Variants in C8orf34 observed in about 807,000 individuals in gnomAD.
The protein encoded by C8orf34 is uncharacterized protein C8orf34.
Under a neutral mutation model 68.3 loss-of-function variants are expected in C8orf34, and 65 were observed. The observed-to-expected ratio is 0.95, with a 90% confidence interval of 0.78 to 1.17. The LOEUF is 1.17. Ranked by LOEUF, C8orf34 falls within the 50% of genes most tolerant of loss-of-function variation. C8orf34 has a pLI of 0.00. For synonymous variants in C8orf34, 244 were observed against 241.2 expected, an observed-to-expected ratio of 1.01 and a Z score of -0.11; for missense variants, 664 against 655.4, an observed-to-expected ratio of 1.01 and a Z score of -0.14.
chr8:68,663,873 A>G (rs961258012), intron 8 of C8orf34, among the ~76,000 whole-genome samples: 1 of 152,202 alleles, frequency 6.6e-6, no homozygotes, highest in Non-Finnish European at 1.5e-5. Context: ...AAAATAGACA[A>G]TAAGTTTAGA....
At chr8:68,763,974 C>T (rs914191492) in intron 10 of C8orf34, among the ~76,000 whole-genome samples, 72 of 152,276 alleles carry the variant, frequency 4.7e-4, no homozygotes, top group African/African-American at 1.7e-3. Flanking sequence ...ATCCTAGAAT[C>T]CCTTTCACTA....
intron 8 of C8orf34, among the ~76,000 whole-genome samples, chr8:68,652,756 T>G (rs2130783351): frequency 6.6e-6 from 1 of 152,318 alleles, no homozygotes; most frequent in African/African-American, 2.4e-5. Flanking sequence ...TCTGCTTATC[T>G]TATGCCTTAC....
intron 1 of C8orf34, among the ~76,000 whole-genome samples, chr8:68,399,520 A>C (rs940857057): frequency 1.3e-5 from 2 of 152,150 alleles, no homozygotes; most frequent in Non-Finnish European, 2.9e-5. Context: ...ATAGTATTCC[A>C]CTGTGTATAC....
chr8:68,343,982 C>T (rs1468678789), intron 1 of C8orf34, among the ~76,000 whole-genome samples: 2 of 152,146 alleles, frequency 1.3e-5, no homozygotes, highest in African/African-American at 4.8e-5. Context: ...CTGTCTCGGC[C>T]TCCCAAAGTT....
chr8:68,749,179 T>A (rs12682139), intron 10 of C8orf34, among the ~76,000 whole-genome samples: 14,365 of 151,508 alleles, frequency 0.095, 756 homozygotes, highest in East Asian at 0.22. Flanking sequence ...TAGGTGGGAA[T>A]TGAACAATGA....
chr8:68,710,796 G>A (rs1355554793), intron 9 of C8orf34, among the ~76,000 whole-genome samples: 1 of 152,152 alleles, frequency 6.6e-6, no homozygotes, highest in African/African-American at 2.4e-5. Context: ...CCTAGGGCAA[G>A]TTTGCATCCT....
chr8:68,701,699 C>T (rs997682510), intron 8 of C8orf34, among the ~76,000 whole-genome samples: 16 of 151,970 alleles, frequency 1.1e-4, no homozygotes, highest in Admixed American at 9.8e-4. Context: ...AAGCAAAAGT[C>T]CCATCATGTC....
At chr8:68,702,694 T>C (rs896116826) in intron 8 of C8orf34, among the ~76,000 whole-genome samples, 2 of 152,190 alleles carry the variant, frequency 1.3e-5, no homozygotes, top group Non-Finnish European at 2.9e-5. Context: ...AATTTGCTTA[T>C]TTAAATCTTC....
At chr8:68,551,542 A>G (rs1816071107) in intron 7 of C8orf34, among the ~76,000 whole-genome samples, 1 of 151,988 alleles carries the variant, frequency 6.6e-6, no homozygotes, top group Non-Finnish European at 1.5e-5. Flanking sequence ...TCTTCAGGCT[A>G]TAGGAGGTTT....
intron 8 of C8orf34, among the ~76,000 whole-genome samples, chr8:68,702,276 T>G (rs1033249057): frequency 3.9e-5 from 6 of 152,012 alleles, no homozygotes; most frequent in Non-Finnish European, 8.8e-5. Flanking sequence ...TCGCAAAAGC[T>G]CCCCAAATAC....
intron 11 of C8orf34, among the ~76,000 whole-genome samples, chr8:68,779,585 C>T (rs1275506654): frequency 2.6e-5 from 4 of 151,996 alleles, no homozygotes; most frequent in Non-Finnish European, 5.9e-5. Flanking sequence ...GAAAGGGGAT[C>T]AATTCTATGC....
rs1821672155 is a variant in C8orf34 at position 68,721,410 on chromosome 8, T to C, written c.1377T>C (p.Phe459=). 6.2e-7 allele frequency: 1 copy of C among 1,609,356 alleles called. No individual in the cohort carries two copies. Among genetic ancestry groups the C allele is most frequent in the Non-Finnish European group, 8.5e-7 (1 of 1,176,910 alleles). ...CACTAATGGAGGAGGGTGACGAATT[T>C]GAGAAAGCATCTAAACTAACAGGAC... is the stretch of plus-strand genomic sequence containing the variant. ...EEALMEEGDE[F]EKASKLTGPG... Residue 459 remains phenylalanine (F), a synonymous_variant, in exon 10 of 14, where the codon TTT becomes TTC. Transcript: ENST00000518698.
At chr8:68,402,526 T>C (rs923694895) in intron 1 of C8orf34, among the ~76,000 whole-genome samples, 3 of 152,154 alleles carry the variant, frequency 2.0e-5, no homozygotes, top group Admixed American at 2.0e-4. Flanking sequence ...CCTACTTTTT[T>C]GATGTAGGCA....
rs1355638588 is a variant in C8orf34 at position 68,439,560 on chromosome 8, A to G, written c.389A>G (p.His130Arg). The change falls in exon 2 of 14, where the codon CAT becomes CGT. Residue 130 changes from histidine to arginine, a missense_variant. Coordinates refer to ENST00000518698, the MANE Select transcript of C8orf34 (RefSeq NM_052958.4). ...CAGCCAATCCCATTTCTCATTGACC[A>G]TCTTCAGTCTAAACAAGGGAACCGT... The part of the protein sequence containing the change: ...PDQPIPFLID[H>R]LQSKQGNRGQ... The G allele has an allele frequency of 2.5e-6, 4 of 1,613,762 alleles. No homozygotes were observed. The highest frequency in any genetic ancestry group is 3.4e-6 in the Non-Finnish European group (4 of 1,179,756).
intron 5 of C8orf34, among the ~76,000 whole-genome samples, chr8:68,495,274 A>AATATAT (rs142794937): frequency 6.7e-6 from 1 of 148,832 alleles, no homozygotes; most frequent in African/African-American, 2.5e-5. Flanking sequence ...ATGTAACAAT[A>AATATAT]ATATATATAT....
chr8:68,368,139 G>T (rs1272598102), intron 1 of C8orf34, among the ~76,000 whole-genome samples: 2 of 152,088 alleles, frequency 1.3e-5, no homozygotes, highest in Non-Finnish European at 2.9e-5. Context: ...AACACAGTTT[G>T]TAGGGAAGTT....
At chr8:68,654,605 A>C (rs1819460563) in intron 8 of C8orf34, among the ~76,000 whole-genome samples, 1 of 152,128 alleles carries the variant, frequency 6.6e-6, no homozygotes, top group African/African-American at 2.4e-5. Flanking sequence ...CGTATATTAT[A>C]ATCAAATATA....
chr8:68,471,707 A>T lies in C8orf34; in HGVS notation c.736+2887A>T, dbSNP rs140691805. 3.0e-3 allele frequency among the ~76,000 whole-genome samples: 464 copies of T among 152,230 alleles called. 12 individuals are homozygous for T. Among genetic ancestry groups the T allele is most frequent in the Admixed American group, 0.028 (435 of 15,280 alleles). On this transcript the variant is annotated intron_variant, in intron 4 of 13. Coordinates refer to ENST00000518698, the MANE Select transcript of C8orf34 (RefSeq NM_052958.4). ...ACTGTGGACCTTTCTTTCCAGTGGC[A>T]TAATCATTGATGCAAAAGGCTGAAA...
At chr8:68,644,224 C>T (rs966832154) in intron 8 of C8orf34, among the ~76,000 whole-genome samples, 3 of 152,140 alleles carry the variant, frequency 2.0e-5, no homozygotes, top group Non-Finnish European at 2.9e-5. Flanking sequence ...CTTATATACC[C>T]TCTTCATAGG....
Sources: gnomAD v4.1 joint callset for allele counts (sites outside exome capture counted in the v4.1 genomes callset) on GRCh38, gnomAD v4.1.1 for gene constraint, MANE v1.5 for transcripts, NCBI Gene and HGNC (gene_info 2026-07-23, HGNC 2026-07-21) for gene names.